Variants in MEGF11 observed in about 807,000 individuals in gnomAD.
MEGF11 encodes the protein multiple EGF like domains 11, also known as multiple epidermal growth factor-like domains protein 11.
A neutral mutation model predicts 146.6 loss-of-function variants in MEGF11; 126 were observed. The ratio of observed to expected loss-of-function variants is 0.86; its 90% CI spans 0.74 to 1.00. The LOEUF is 1.00. MEGF11 is among the 50% of genes least tolerant of loss of function. The pLI is 0.00. For synonymous variants in MEGF11, 532 were observed against 583.4 expected (o/e 0.91, Z 1.27); for missense variants, 1,509 against 1,521.2 (o/e 0.99, Z 0.13).
intron 10 of MEGF11, among the ~76,000 whole-genome samples, chr15:65,956,801 T>C (rs2141487443): frequency 6.6e-6 from 1 of 152,298 alleles, no homozygotes; most frequent in Non-Finnish European, 1.5e-5. Flanking sequence ...ATCAGAGAAA[T>C]GCAAATTAGA....
chr15:66,021,413 A>G (rs868759722), intron 5 of MEGF11, among the ~76,000 whole-genome samples: 27 of 152,242 alleles, frequency 1.8e-4, no homozygotes, highest in African/African-American at 5.1e-4. Context: ...TTGGAATAAA[A>G]AGAAATCTCT....
intron 5 of MEGF11, among the ~76,000 whole-genome samples, chr15:66,012,617 C>G (rs571063921): frequency 2.0e-5 from 3 of 152,368 alleles, no homozygotes; most frequent in East Asian, 3.9e-4. Flanking sequence ...TTGATTGGGC[C>G]TGTAGAGTTA....
intron 10 of MEGF11, among the ~76,000 whole-genome samples, chr15:65,936,738 G>C (rs2079803003): frequency 6.6e-6 from 1 of 152,212 alleles, no homozygotes; most frequent in African/African-American, 2.4e-5. Flanking sequence ...TTACCTGTCT[G>C]GGTTCCCCAG....
intron 1 of MEGF11, among the ~76,000 whole-genome samples, chr15:66,247,125 G>A (rs1441352312): frequency 6.6e-6 from 1 of 152,108 alleles, no homozygotes; most frequent in Non-Finnish European, 1.5e-5. Context: ...GTTTCAGTAT[G>A]AGCCATGAAC....
chr15:66,029,957 G>A (rs148154023), intron 5 of MEGF11, among the ~76,000 whole-genome samples: 1 of 152,170 alleles, frequency 6.6e-6, no homozygotes, highest in Non-Finnish European at 1.5e-5. Flanking sequence ...CTCATCCTCT[G>A]CTAAGCCAGT....
At chr15:66,056,547 C>T (rs374916909) in intron 5 of MEGF11, among the ~76,000 whole-genome samples, 6 of 152,076 alleles carry the variant, frequency 3.9e-5, no homozygotes, top group Admixed American at 6.5e-5. Flanking sequence ...GCCTACAACT[C>T]GTAATTCAGG....
intron 1 of MEGF11, among the ~76,000 whole-genome samples, chr15:66,171,945 C>T (rs930152437): frequency 1.3e-5 from 2 of 152,204 alleles, no homozygotes; most frequent in African/African-American, 2.4e-5. Context: ...TATTAATTCC[C>T]GGCGCCTCCA....
At chr15:66,190,110 G>A (rs75878914) in intron 1 of MEGF11, among the ~76,000 whole-genome samples, 1 of 152,170 alleles carries the variant, frequency 6.6e-6, no homozygotes, top group East Asian at 1.9e-4. Context: ...AATCAAATCC[G>A]AATCTCGGCA....
Position 65,915,551 on chromosome 15 carries a change from A to C in MEGF11, c.2392T>G (p.Cys798Gly). ...TGGTCACAGGTGGAGTTGTTCATGCACTCACATAGCTGCTGACACCCATAG... is the reference window on the plus strand; with the variant it reads ...TGGTCACAGGTGGAGTTGTTCATGCCCTCACATAGCTGCTGACACCCATAG... ...FGYGCQQLCE[C>G]MNNSTCDHVT... is the part of the protein sequence containing the mutation. Residue 798 changes from cysteine to glycine, a missense_variant, in exon 19 of 26, where the codon TGC (cysteine) becomes GGC (glycine). Transcript: ENST00000395614. 1.9e-6 allele frequency: 3 copies of C among 1,613,798 alleles called. No individual in the cohort carries two copies. The highest frequency in any genetic ancestry group is 2.5e-6 in the Non-Finnish European group (3 of 1,179,830).
intron 1 of MEGF11, among the ~76,000 whole-genome samples, chr15:66,189,076 A>G (rs764297960): frequency 1.3e-5 from 2 of 152,208 alleles, no homozygotes; most frequent in Non-Finnish European, 2.9e-5. Context: ...ATGGGGGAGG[A>G]GGGATGGGGA....
chr15:66,235,679 G>C (rs1380418220), intron 1 of MEGF11, among the ~76,000 whole-genome samples: 1 of 152,128 alleles, frequency 6.6e-6, no homozygotes, highest in Non-Finnish European at 1.5e-5. Context: ...ACTCAGAGCA[G>C]TGATGTTCTC....
At chr15:65,991,745 A>G (rs999504851) in intron 5 of MEGF11, among the ~76,000 whole-genome samples, 1 of 152,214 alleles carries the variant, frequency 6.6e-6, no homozygotes, top group African/African-American at 2.4e-5. Context: ...AGGTCAGGAA[A>G]CTGGGCCAGA....
intron 1 of MEGF11, among the ~76,000 whole-genome samples, chr15:66,193,290 A>G (rs1177879843): frequency 2.0e-5 from 3 of 152,154 alleles, no homozygotes; most frequent in East Asian, 1.9e-4. Flanking sequence ...TTGTGTTCAT[A>G]TAGCTGCTCA....
intron 1 of MEGF11, among the ~76,000 whole-genome samples, chr15:66,204,547 G>A (rs1440186951): frequency 6.6e-6 from 1 of 152,166 alleles, no homozygotes; most frequent in East Asian, 1.9e-4. Flanking sequence ...TGGGTTCAAG[G>A]CCAGTACAGG....
chr15:66,017,019 T>A (rs1335434366), intron 5 of MEGF11, among the ~76,000 whole-genome samples: 1 of 152,220 alleles, frequency 6.6e-6, no homozygotes, highest in African/African-American at 2.4e-5. Context: ...ATTTCAGGGA[T>A]GTTGGACAGG....
At chr15:65,924,013 A>C (rs2079272248) in intron 13 of MEGF11, among the ~76,000 whole-genome samples, 1 of 152,202 alleles carries the variant, frequency 6.6e-6, no homozygotes, top group African/African-American at 2.4e-5. Flanking sequence ...GAATTAGCTG[A>C]AAAATCATGT....
intron 5 of MEGF11, among the ~76,000 whole-genome samples, chr15:66,064,000 T>C (rs943330941): frequency 6.6e-6 from 1 of 152,162 alleles, no homozygotes; most frequent in African/African-American, 2.4e-5. Flanking sequence ...ACCCAGTCTG[T>C]CTAACTCCAA....
Position 65,920,867 on chromosome 15 carries a change from G to A in MEGF11, c.1957+1471C>T, listed in dbSNP as rs566379748. On this transcript the variant is annotated intron_variant, in intron 15 of 25. Coordinates refer to ENST00000395614, the MANE Select transcript of MEGF11 (RefSeq NM_001385028.1). ...GGAAATACTCATTAGGCCAGTGGGC[G>A]ATAAATCAGACAACGCAGCATCTGA... is the stretch of plus-strand genomic sequence containing the variant. 5.3e-5 allele frequency among the ~76,000 whole-genome samples: 8 copies of A among 152,318 alleles called. No homozygotes were observed. In the East Asian group the frequency reaches 1.2e-3, roughly 22 times the overall value.
At chr15:66,143,662 G>A (rs910253616) in intron 1 of MEGF11, among the ~76,000 whole-genome samples, 1 of 152,170 alleles carries the variant, frequency 6.6e-6, no homozygotes, top group Non-Finnish European at 1.5e-5. Flanking sequence ...TTCTCTCCAG[G>A]GACCTCTGCT....
Sources: gnomAD v4.1 joint callset for allele counts (sites outside exome capture counted in the v4.1 genomes callset) on GRCh38, gnomAD v4.1.1 for gene constraint, MANE v1.5 for transcripts, NCBI Gene and HGNC (gene_info 2026-07-23, HGNC 2026-07-21) for gene names.